FIG4: variants seen among roughly 807,000 people sequenced by gnomAD.
FIG4 encodes the protein polyphosphoinositide phosphatase.
In FIG4, 112 loss-of-function variants were observed where a neutral mutation model predicts 118.6. The ratio of observed to expected loss-of-function variants is 0.94; its 90% CI spans 0.81 to 1.11. The LOEUF (loss-of-function observed/expected upper bound fraction) is 1.11. FIG4 is among the 50% of genes least tolerant of loss of function. FIG4 has a pLI of 0.00. For missense variants in FIG4, 969 were observed against 1,111.7 expected (o/e 0.87, Z 1.83); for synonymous variants, 369 against 381.2 (o/e 0.97, Z 0.37).
rs200228195 is a variant in FIG4 at position 109,786,253 on chromosome 6, G to A, written c.1949-49G>A. 4.6e-5 allele frequency: 70 copies of A among 1,522,036 alleles called. 1 individual carries two copies. In the Middle Eastern group the frequency reaches 8.6e-4, roughly 19 times the overall value. 94.3% of individuals were successfully genotyped at this position (1,522,036 alleles called of 1,614,324 possible). A position where few individuals can be genotyped will look rare whatever the true frequency, so the allele number is the denominator to read the frequency against. ...CACAGTTAATATTATGGAAATGTTT[G>A]CTTGCTATAATCTCAGACTTTTAGA... On this transcript the variant is annotated intron_variant, in intron 17 of 22. Transcript: ENST00000230124.
intron 5 of FIG4, among the ~76,000 whole-genome samples, 173 bp from the exon 6 acceptor site, chr6:109,734,977 A>G (rs970386408): frequency 2.0e-5 from 3 of 152,130 alleles, no homozygotes; most frequent in Non-Finnish European, 2.9e-5. Flanking sequence ...TTTATTTCCA[A>G]TTACATTTAT....
chr6:109,764,267 T>A (rs1271923420), intron 13 of FIG4, among the ~76,000 whole-genome samples: 2 of 151,954 alleles, frequency 1.3e-5, no homozygotes, highest in Non-Finnish European at 2.9e-5. Context: ...TGAAACCCTG[T>A]CTCTACTAAA....
chr6:109,747,619 A>G (rs186351818), intron 10 of FIG4, among the ~76,000 whole-genome samples: 42 of 152,194 alleles, frequency 2.8e-4, no homozygotes, highest in Admixed American at 1.9e-3. Flanking sequence ...CCAGTGAAAG[A>G]TGGCATTTTT....
intron 1 of FIG4, among the ~76,000 whole-genome samples, chr6:109,709,478 G>A (rs920811126): frequency 6.6e-6 from 1 of 152,118 alleles, no homozygotes; most frequent in African/African-American, 2.4e-5. Context: ...TTTTAAGATA[G>A]TTTTTTCTAG....
intron 13 of FIG4, among the ~76,000 whole-genome samples, chr6:109,764,527 A>G (rs1583701002): frequency 6.6e-6 from 1 of 152,304 alleles, no homozygotes; most frequent in East Asian, 1.9e-4. Flanking sequence ...TACTGGAAAT[A>G]GAAACACAAA....
At chr6:109,733,770 C>A (rs1018069938) in intron 5 of FIG4, among the ~76,000 whole-genome samples, 1 of 151,884 alleles carries the variant, frequency 6.6e-6, no homozygotes, top group Non-Finnish European at 1.5e-5. Context: ...AGTCTTTATG[C>A]CTAACTTTTT....
chr6:109,698,941 A>G (rs1774817417), intron 1 of FIG4, among the ~76,000 whole-genome samples: 1 of 152,110 alleles, frequency 6.6e-6, no homozygotes, highest in South Asian at 2.1e-4. Context: ...TTGGTCTATC[A>G]TTTTCTTAAT....
At chr6:109,743,841 G>A (rs564897465) in intron 10 of FIG4, 69 bp downstream of exon 10, 14 of 1,068,480 alleles carry the variant, frequency 1.3e-5, no homozygotes, top group Admixed American at 3.4e-5. Flanking sequence ...CAACACAGAG[G>A]GGGTTAACAA....
At chr6:109,693,972 C>T (rs1359769958) in intron 1 of FIG4, among the ~76,000 whole-genome samples, 1 of 150,464 alleles carries the variant, frequency 6.6e-6, no homozygotes, top group Non-Finnish European at 1.5e-5. Flanking sequence ...CATAAAATTA[C>T]AGGCAACTGG....
intron 13 of FIG4, 87 bp downstream of exon 13, chr6:109,764,069 G>C: frequency 1.2e-6 from 1 of 846,176 alleles, no homozygotes; most frequent in Non-Finnish European, 2.0e-6. Flanking sequence ...GGAAAGACCT[G>C]TATCTTATTT....
Position 109,805,591 on chromosome 6 carries a change from A to G in FIG4, c.2546+8740A>G, listed in dbSNP as rs73525121. On this transcript the variant is annotated intron_variant, in intron 22 of 22. Coordinates refer to ENST00000230124, the MANE Select transcript of FIG4 (RefSeq NM_014845.6). ...TAAAGGGTTGCAGTTTCTATTCCGT[A>G]TGTGTGATGTCACCAAAATCCTAAT... 5.4e-3 allele frequency among the ~76,000 whole-genome samples: 826 copies of G among 152,284 alleles called. 11 individuals are homozygous for G. Among genetic ancestry groups the G allele is most frequent in the African/African-American group, 0.019 (804 of 41,570 alleles).
At chr6:109,694,320 C>A (rs915921385) in intron 1 of FIG4, among the ~76,000 whole-genome samples, 2 of 152,084 alleles carry the variant, frequency 1.3e-5, no homozygotes, top group African/African-American at 4.8e-5. Flanking sequence ...GGTGCAGGTG[C>A]TAAGAATGTA....
intron 15 of FIG4, among the ~76,000 whole-genome samples, chr6:109,772,764 T>A (rs1777505667): frequency 6.6e-6 from 1 of 152,208 alleles, no homozygotes; most frequent in South Asian, 2.1e-4. Flanking sequence ...TTGAATTAGT[T>A]TTTTATCATT....
intron 5 of FIG4, among the ~76,000 whole-genome samples, chr6:109,734,565 G>A (rs899195886): frequency 5.9e-5 from 9 of 151,614 alleles, no homozygotes; most frequent in Non-Finnish European, 1.2e-4. Flanking sequence ...AAGGTATTAT[G>A]TGAGATCAAA....
At chr6:109,811,062 A>G (rs1376920428) in intron 22 of FIG4, among the ~76,000 whole-genome samples, 1 of 152,160 alleles carries the variant, frequency 6.6e-6, no homozygotes, top group African/African-American at 2.4e-5. Flanking sequence ...GACCTTTCTC[A>G]TGTGCAGTGT....
chr6:109,743,083 T>C (rs1776374496), intron 8 of FIG4, 27 bp from the exon 9 acceptor site: 1 of 1,593,578 alleles, frequency 6.3e-7, no homozygotes, highest in East Asian at 2.2e-5. Flanking sequence ...TAACATAAAA[T>C]ATTTTTCAAT....
chr6:109,729,303 T>C (rs1386040290), intron 4 of FIG4, among the ~76,000 whole-genome samples: 1 of 152,190 alleles, frequency 6.6e-6, no homozygotes, highest in East Asian at 1.9e-4. Flanking sequence ...TTTAGCAAAC[T>C]AGGAATATAA....
chr6:109,752,015 A>T (rs1418436860), intron 10 of FIG4, among the ~76,000 whole-genome samples: 3 of 105,654 alleles, frequency 2.8e-5, no homozygotes, highest in South Asian at 3.1e-4. Flanking sequence ...CAGTCCCCAG[A>T]GTGTGATGTT....
chr6:109,755,783 T>G (rs1217370542), intron 10 of FIG4, among the ~76,000 whole-genome samples: 1 of 152,238 alleles, frequency 6.6e-6, no homozygotes, highest in African/African-American at 2.4e-5. Context: ...GTTTTCCATT[T>G]GCTTGGTAGA....
Sources: allele counts gnomAD v4.1 joint callset (sites outside exome capture counted in the v4.1 genomes callset), GRCh38; gene constraint gnomAD v4.1.1; transcripts MANE v1.5; gene names NCBI Gene and HGNC (gene_info 2026-07-23, HGNC 2026-07-21).